HMGA2: variants seen among roughly 807,000 people sequenced by gnomAD.
HMGA2 encodes the protein high mobility group AT-hook 2.
A neutral mutation model predicts 19.1 loss-of-function variants in HMGA2; 8 were observed. The observed-to-expected ratio is 0.42, with a 90% CI of 0.25 to 0.76. The LOEUF is 0.76. HMGA2 is among the 30% of genes least tolerant of loss of function. The pLI is 0.28. For missense variants in HMGA2, 109 were observed against 136.3 expected (o/e 0.80, Z 1.00); for synonymous variants, 60 against 48.8 (o/e 1.23, Z -0.96).
intron 1 of HMGA2, 139 bp from the exon 2 acceptor site, chr12:65,827,862 A>G: frequency 2.8e-6 from 2 of 710,626 alleles, no homozygotes; most frequent in Admixed American, 2.0e-5. Context: ...CTGTACCATC[A>G]TCATCCATTT....
intron 3 of HMGA2, among the ~76,000 whole-genome samples, chr12:65,865,801 A>AT (rs777343534): frequency 0.012 from 1,772 of 142,702 alleles, 9 homozygotes; most frequent in African/African-American, 0.017. Flanking sequence ...CGCCCGGCTA[A>AT]TTTTTTTTTT....
chr12:65,890,424 A>G (rs1292846041), intron 3 of HMGA2, among the ~76,000 whole-genome samples: 3 of 152,228 alleles, frequency 2.0e-5, no homozygotes, highest in Non-Finnish European at 4.4e-5. Flanking sequence ...TCATTAATAT[A>G]TTCTTGTGAT....
chr12:65,834,158 C>T (rs1223102875), intron 2 of HMGA2, among the ~76,000 whole-genome samples: 2 of 152,188 alleles, frequency 1.3e-5, no homozygotes, highest in African/African-American at 2.4e-5. Flanking sequence ...CTTTCCACTA[C>T]CATGTGCTGA....
chr12:65,876,258 AG>A (rs1001192081), intron 3 of HMGA2, among the ~76,000 whole-genome samples: 74 of 152,244 alleles, frequency 4.9e-4, no homozygotes, highest in African/African-American at 1.7e-3. Context: ...AAAAAAAAAT[AG>A]AAGCTCACAG....
chr12:65,944,589 A>G (rs1045664149), intron 3 of HMGA2, among the ~76,000 whole-genome samples: 1 of 152,228 alleles, frequency 6.6e-6, no homozygotes, highest in African/African-American at 2.4e-5. Context: ...AGGTACAAAA[A>G]GCTACGCAGA....
At chr12:65,944,706 A>T (rs531283379) in intron 3 of HMGA2, among the ~76,000 whole-genome samples, 1 of 152,302 alleles carries the variant, frequency 6.6e-6, no homozygotes, top group East Asian at 1.9e-4. Flanking sequence ...ACCATATGAA[A>T]TTGCTGATAA....
rs1876827843 is a variant in HMGA2, at chr12:65,963,857, T to G, written c.*565T>G. 4.6e-6 allele frequency: 1 copy of G among 217,270 alleles called. No individual in the cohort carries two copies. Among genetic ancestry groups the G allele is most frequent in the Non-Finnish European group, 9.3e-6 (1 of 107,790 alleles). The allele number at this position is 217,270 out of a possible 1,614,324, so 13.5% of individuals were successfully genotyped here. A position where few individuals can be genotyped will look rare whatever the true frequency, so the allele number is the denominator to read the frequency against. On this transcript the variant is annotated 3_prime_UTR_variant, in exon 5 of 5. Coordinates refer to ENST00000403681, the MANE Select transcript of HMGA2 (RefSeq NM_003483.6). ...TTTTTCGTATAATCTTGTAGACACT[T>G]ACTTGATGATTTTTAACTTTTTATT...
At chr12:65,894,144 A>AT (rs1004783070) in intron 3 of HMGA2, among the ~76,000 whole-genome samples, 1 of 152,048 alleles carries the variant, frequency 6.6e-6, no homozygotes, top group African/African-American at 2.4e-5. Context: ...TATTCACTGC[A>AT]TTTTTTTCTA....
intron 3 of HMGA2, among the ~76,000 whole-genome samples, chr12:65,889,421 T>C (rs771702077): frequency 1.3e-5 from 2 of 152,232 alleles, no homozygotes; most frequent in African/African-American, 2.4e-5. Flanking sequence ...TTGTAGTAAA[T>C]ATATTGTAAA....
chr12:65,829,759 G>A (rs1163529158), intron 2 of HMGA2, among the ~76,000 whole-genome samples: 19 of 151,774 alleles, frequency 1.3e-4, no homozygotes, highest in Admixed American at 9.8e-4. Flanking sequence ...CATCGCCTCC[G>A]CTTCATTTTA....
At chr12:65,875,313 T>G (rs2121062437) in intron 3 of HMGA2, among the ~76,000 whole-genome samples, 1 of 152,372 alleles carries the variant, frequency 6.6e-6, no homozygotes, top group Middle Eastern at 3.4e-3. Flanking sequence ...GGTGATCTAT[T>G]TACATACACT....
rs1011488331 is a variant in HMGA2, at chr12:65,825,255, G to C, written c.-16G>C. ...GCGAAGCGGCTGCAGCGGCGGTAGC[G>C]GCGGCGGGAGGCAGGATGAGCGCAC... On this transcript the variant is annotated 5_prime_UTR_variant, in exon 1 of 5. Coordinates refer to ENST00000403681, the MANE Select transcript of HMGA2 (RefSeq NM_003483.6). The surrounding 1 kb of genome is among the most constrained non-coding windows in gnomAD (Gnocchi z 4.4). 1.2e-5 allele frequency: 18 copies of C among 1,524,242 alleles called. No homozygotes were observed. Among genetic ancestry groups the C allele is most frequent in the Non-Finnish European group, 1.6e-5 (18 of 1,140,380 alleles). The allele number at this position is 1,524,242 out of a possible 1,614,324, so 94.4% of individuals were successfully genotyped here. A position where few individuals can be genotyped will look rare whatever the true frequency, so the allele number is the denominator to read the frequency against.
At chr12:65,947,422 G>GTT (rs1292378623) in intron 3 of HMGA2, among the ~76,000 whole-genome samples, 2 of 152,162 alleles carry the variant, frequency 1.3e-5, no homozygotes, top group African/African-American at 4.8e-5. Context: ...TTTAACATCT[G>GTT]TTAATCCAAA....
intron 3 of HMGA2, among the ~76,000 whole-genome samples, chr12:65,893,567 T>G (rs914717922): frequency 3.3e-5 from 5 of 152,228 alleles, no homozygotes; most frequent in African/African-American, 1.2e-4. Flanking sequence ...TTTCATCCTT[T>G]GCAAACATTG....
At chr12:65,944,749 C>T (rs1876203816) in intron 3 of HMGA2, among the ~76,000 whole-genome samples, 1 of 152,178 alleles carries the variant, frequency 6.6e-6, no homozygotes, top group South Asian at 2.1e-4. Context: ...AATGCCAGTT[C>T]AGCTAGCTCA....
intron 3 of HMGA2, among the ~76,000 whole-genome samples, chr12:65,890,711 G>A (rs772523101): frequency 1.3e-5 from 2 of 150,806 alleles, no homozygotes; most frequent in Non-Finnish European, 1.5e-5. Context: ...CTATTTTACC[G>A]CTTCTTCAGT....
intron 3 of HMGA2, chr12:65,914,926 T>C: frequency 1.6e-6 from 2 of 1,221,688 alleles, no homozygotes; most frequent in Non-Finnish European, 2.4e-6. Context: ...CCACCCACCT[T>C]GGCCTCTCAA....
chr12:65,948,072 G>T (rs1183255615), intron 3 of HMGA2, among the ~76,000 whole-genome samples: 1 of 152,012 alleles, frequency 6.6e-6, no homozygotes, highest in African/African-American at 2.4e-5. Flanking sequence ...GGTTGTTTTG[G>T]TTTTAGAAAA....
chr12:65,882,224 T>C (rs1405516962), intron 3 of HMGA2: 2 of 325,992 alleles, frequency 6.1e-6, no homozygotes, highest in Non-Finnish European at 1.2e-5. Flanking sequence ...CTCCTGCCAG[T>C]TGGCCCCTGC....
Sources: gnomAD v4.1 joint callset for allele counts (sites outside exome capture counted in the v4.1 genomes callset) on GRCh38, gnomAD v4.1.1 for gene constraint, Gnocchi (gnomAD v3.1) non-coding constraint, MANE v1.5 for transcripts, NCBI Gene and HGNC (gene_info 2026-07-23, HGNC 2026-07-21) for gene names.